Variants in STK11 observed in about 807,000 individuals in gnomAD.
The protein encoded by STK11 is serine/threonine-protein kinase STK11.
A neutral mutation model predicts 47.3 loss-of-function variants in STK11; 8 were observed. That is an observed-to-expected ratio of 0.17 (90% CI 0.10 to 0.31). The LOEUF is 0.31. Ranked by LOEUF, STK11 falls within the 10% of genes least tolerant of loss-of-function variation. The pLI is 1.00. For synonymous variants in STK11, 330 were observed against 255.8 expected (o/e 1.29, Z -2.77); for missense variants, 475 against 605.0 (o/e 0.79, Z 2.25).
At chr19:1,222,725 T>C (rs2080793783) in intron 7 of STK11, among the ~76,000 whole-genome samples, 1 of 152,106 alleles carries the variant, frequency 6.6e-6, no homozygotes, top group Non-Finnish European at 1.5e-5. Context: ...CCAGCATCCA[T>C]CTGGTGGGTG....
intron 1 of STK11, among the ~76,000 whole-genome samples, chr19:1,208,634 T>TTTTTGTA (rs2080686780): frequency 9.3e-6 from 1 of 107,608 alleles, no homozygotes; most frequent in African/African-American, 3.3e-5. Context: ...TTTTTTTTTT[T>TTTTTGTA]GAGACGGAGT....
intron 8 of STK11, chr19:1,223,983 C>T (rs1325141693): frequency 2.5e-5 from 25 of 1,008,878 alleles, no homozygotes; most frequent in Admixed American, 6.0e-5. Context: ...AAGGGGGGTA[C>T]GCCAGGCAGG....
chr19:1,226,756 T>C, intron 9 of STK11, 93 bp downstream of exon 9: 2 of 1,378,166 alleles, frequency 1.5e-6, no homozygotes, highest in Non-Finnish European at 1.9e-6. Context: ...TCAGTCATGG[T>C]GACCGTCACG....
Position 1,220,682 on chromosome 19 carries a change from C to G in STK11, c.699C>G (p.Gly233=), listed in dbSNP as rs1490687998. 1.9e-6 allele frequency: 3 copies of G among 1,610,894 alleles called. No homozygotes were observed. The highest frequency in any genetic ancestry group is 2.5e-6 in the Non-Finnish European group (3 of 1,179,194). ...CCAACGGCCTGGACACCTTCTCCGG[C>G]TTCAAGGTGGACATCTGGTCGGCTG... ...EIANGLDTFS[G]FKVDIWSAGV... is the part of the protein sequence containing the mutation. The change falls in exon 5 of 10, where the codon GGC becomes GGG. Residue 233 remains glycine (G), a synonymous_variant. Coordinates refer to ENST00000326873, the MANE Select transcript of STK11 (RefSeq NM_000455.5).
chr19:1,225,351 C>T, intron 8 of STK11: 1 of 919,148 alleles, frequency 1.1e-6, no homozygotes, highest in Non-Finnish European at 1.3e-6. Context: ...CGGCTCACTG[C>T]AACCTCCACC....
At chr19:1,208,533 C>G (rs933289878) in intron 1 of STK11, among the ~76,000 whole-genome samples, 1 of 149,814 alleles carries the variant, frequency 6.7e-6, no homozygotes, top group Non-Finnish European at 1.5e-5. Context: ...TGGTCTCAAT[C>G]TCCTGACCTC....
intron 9 of STK11, 46 bp downstream of exon 9, chr19:1,226,709 G>T (rs1599932685): frequency 6.9e-7 from 1 of 1,446,560 alleles, no homozygotes; most frequent in Non-Finnish European, 9.0e-7. Flanking sequence ...GACAACGCCT[G>T]GATGCCACAG....
At chr19:1,223,626 C>T in intron 8 of STK11, 1 of 1,069,650 alleles carries the variant, frequency 9.3e-7, no homozygotes. Context: ...GCCGGCCGCC[C>T]TTCTTCCCTA....
intron 1 of STK11, among the ~76,000 whole-genome samples, chr19:1,213,188 G>A (rs1443200591): frequency 6.7e-6 from 1 of 149,544 alleles, no homozygotes; most frequent in East Asian, 2.0e-4. Flanking sequence ...TAGTAGAGAT[G>A]GGGTTTCACT....
At position 1,207,259 on chromosome 19, in the gene STK11, TTC is replaced by T. The variant is rs1403946196; in HGVS notation, c.290+58_290+59del. Reference sequence around the variant, plus strand: ...GCCGGGCCAGTCACGGTGCTGATGGTTCTGTCTTCCTTCCTTCTCTCCTCCCT... The same window carrying T: ...GCCGGGCCAGTCACGGTGCTGATGGTTGTCTTCCTTCCTTCTCTCCTCCCT... On this transcript the variant is annotated intron_variant, in intron 1 of 9. Transcript: ENST00000326873. 11 of 1,538,342 alleles carry T rather than the reference TTC, an allele frequency of 7.2e-6. No individual in the cohort carries two copies. The African/African-American group carries it at 8.2e-5, about 11-fold the overall frequency.
chr19:1,218,161 C>A (rs989663836), intron 1 of STK11, among the ~76,000 whole-genome samples: 4 of 152,000 alleles, frequency 2.6e-5, no homozygotes, highest in African/African-American at 9.7e-5. Context: ...AAAAAAGTGT[C>A]CTAACTGTGT....
chr19:1,227,575 C>G lies in STK11; in HGVS notation c.*17-18C>G. 1 of 1,064,090 alleles carries G rather than the reference C, an allele frequency of 9.4e-7. No individual in the cohort carries two copies. The highest frequency in any genetic ancestry group is 1.1e-6 in the Non-Finnish European group (1 of 878,476). The allele number at this position is 1,064,090 out of a possible 1,614,324, so 65.9% of individuals were successfully genotyped here. ...CGGTGCCCAGGCTGACCTCTTCCGT[C>G]TTCCTTCCACCCTGCAGCCCGTGTC... On this transcript the variant is annotated intron_variant, in intron 9 of 9. Coordinates refer to ENST00000326873, the MANE Select transcript of STK11 (RefSeq NM_000455.5).
Position 1,211,388 on chromosome 19 carries a change from C to T in STK11, c.290+4185C>T, listed in dbSNP as rs182259053. Reference sequence around the variant, plus strand: ...GAAGGGCTGGAAAGGGTCGCCTGTGCCCAGCCCGACTCCCCGTGCTTCTCG... The same window carrying T: ...GAAGGGCTGGAAAGGGTCGCCTGTGTCCAGCCCGACTCCCCGTGCTTCTCG... On this transcript the variant is annotated intron_variant, in intron 1 of 9. Transcript: ENST00000326873. Among the ~76,000 whole-genome samples the T allele has an allele frequency of 6.6e-3, 1,005 of 152,032 alleles. 14 individuals are homozygous for T. The highest frequency in any genetic ancestry group is 0.023 in the African/African-American group (951 of 41,484).
chr19:1,224,210 G>A (rs1000885403), intron 8 of STK11: 38 of 984,932 alleles, frequency 3.9e-5, no homozygotes, highest in Middle Eastern at 1.0e-3. Context: ...ACAGTGTCTG[G>A]GGGCCCCCCA....
rs2080843395 is a variant in STK11 at position 1,228,281 on chromosome 19, C to G, written c.*705C>G. On this transcript the variant is annotated 3_prime_UTR_variant, in exon 10 of 10. Transcript: ENST00000326873. ...GACCCCAGAGAAAACCCGGAGCAAGCAGGAGTGTGCGGTCAATATTTATAT... is the reference window on the plus strand; with the variant it reads ...GACCCCAGAGAAAACCCGGAGCAAGGAGGAGTGTGCGGTCAATATTTATAT... 1 of 302,116 alleles carries G rather than the reference C, an allele frequency of 3.3e-6. No individual in the cohort carries two copies. The highest frequency in any genetic ancestry group is 1.4e-4 in the South Asian group (1 of 6,910). The allele number at this position is 302,116 out of a possible 1,614,324, so 18.7% of individuals were successfully genotyped here.
intron 9 of STK11, 126 bp from the exon 10 acceptor site, chr19:1,227,467 C>G: frequency 9.8e-7 from 1 of 1,020,786 alleles, no homozygotes; most frequent in Non-Finnish European, 1.2e-6. Flanking sequence ...CTGGCCTCCC[C>G]TGCTGCCCCC....
chr19:1,219,444 G>GGGGC, intron 3 of STK11, 31 bp downstream of exon 3: 3 of 1,304,770 alleles, frequency 2.3e-6, no homozygotes, highest in Non-Finnish European at 3.2e-6. Flanking sequence ...CCAGGGTGGG[G>GGGGC]CGGGGGCCGG....
rs1213608514 is a variant in STK11 at position 1,219,373 on chromosome 19, A to G, written c.424A>G (p.Ser142Gly). 6.4e-7 allele frequency: 1 copy of G among 1,563,534 alleles called. No homozygotes were observed. The highest frequency in any genetic ancestry group is 2.7e-5 in the East Asian group (1 of 37,226). ...CVCGMQEMLD[S>G]VPEKRFPVCQ... ...GTGTGGCATGCAGGAAATGCTGGACAGCGTGCCGGAGAAGCGTTTCCCAGT... is the reference window on the plus strand; with the variant it reads ...GTGTGGCATGCAGGAAATGCTGGACGGCGTGCCGGAGAAGCGTTTCCCAGT... Residue 142 changes from serine (S) to glycine (G), a missense_variant, in exon 3 of 10, where the codon AGC becomes GGC. Coordinates refer to ENST00000326873, the MANE Select transcript of STK11 (RefSeq NM_000455.5).
intron 8 of STK11, chr19:1,224,471 G>C: frequency 1.0e-6 from 1 of 985,386 alleles, no homozygotes; most frequent in South Asian, 4.7e-5. Flanking sequence ...GCCTTTCAGA[G>C]CCCTGGTGCC....
Sources: gnomAD v4.1 joint callset for allele counts (sites outside exome capture counted in the v4.1 genomes callset) on GRCh38, gnomAD v4.1.1 for gene constraint, MANE v1.5 for transcripts, NCBI Gene and HGNC (gene_info 2026-07-23, HGNC 2026-07-21) for gene names.